Variants in RALGPS1 observed in about 807,000 individuals in gnomAD.
RALGPS1 encodes the protein ras-specific guanine nucleotide-releasing factor RalGPS1.
A neutral mutation model predicts 78.8 loss-of-function variants in RALGPS1; 19 were observed. The ratio of observed to expected loss-of-function variants is 0.24; its 90% CI spans 0.17 to 0.35. RALGPS1 has a LOEUF of 0.35. RALGPS1 is among the 10% of genes least tolerant of loss of function. The pLI is 1.00. For synonymous variants in RALGPS1, 228 were observed against 256.3 expected (o/e 0.89, Z 1.06); for missense variants, 454 against 688.3 (o/e 0.66, Z 3.81).
chr9:126,934,358 G>A (rs1378898003), intron 1 of RALGPS1, among the ~76,000 whole-genome samples: 1 of 152,206 alleles, frequency 6.6e-6, no homozygotes, highest in Non-Finnish European at 1.5e-5. Context: ...CTATTGATTA[G>A]GGGATTATGA....
chr9:127,055,897 G>A (rs2048701582), intron 7 of RALGPS1, among the ~76,000 whole-genome samples: 1 of 152,234 alleles, frequency 6.6e-6, no homozygotes, highest in South Asian at 2.1e-4. Flanking sequence ...TGTCTTGGGT[G>A]TGGCTGCTGC....
chr9:127,085,632 G>C (rs1441558677), intron 8 of RALGPS1, among the ~76,000 whole-genome samples: 1 of 152,166 alleles, frequency 6.6e-6, no homozygotes, highest in African/African-American at 2.4e-5. Flanking sequence ...GTATTGAGAT[G>C]GGGTTTGGGA....
chr9:126,936,436 C>G (rs1485891042), intron 1 of RALGPS1, among the ~76,000 whole-genome samples: 1 of 151,548 alleles, frequency 6.6e-6, no homozygotes, highest in Non-Finnish European at 1.5e-5. Flanking sequence ...TTTGGAAGGT[C>G]AAAGGAAAAA....
Position 126,992,548 on chromosome 9 carries a change from A to G in RALGPS1, c.216+14803A>G, listed in dbSNP as rs555927015. On this transcript the variant is annotated intron_variant, in intron 4 of 18. Transcript: ENST00000259351. ...TAGGATCAACTTGTTAAGTTTTACC[A>G]AAGAAGTCTGCTGGGATTTTGACTG... 2.0e-5 allele frequency among the ~76,000 whole-genome samples: 3 copies of G among 152,334 alleles called. No individual in the cohort carries two copies. In the East Asian group the frequency reaches 5.8e-4, roughly 29 times the overall value.
At chr9:126,998,653 C>G (rs1423429546) in intron 4 of RALGPS1, among the ~76,000 whole-genome samples, 1 of 152,144 alleles carries the variant, frequency 6.6e-6, no homozygotes, top group Non-Finnish European at 1.5e-5. Flanking sequence ...TTTGACCCAG[C>G]CATCCCATTA....
chr9:127,078,722 C>T (rs375179075), intron 8 of RALGPS1, among the ~76,000 whole-genome samples: 2 of 152,140 alleles, frequency 1.3e-5, no homozygotes, highest in African/African-American at 2.4e-5. Context: ...CCCTGCAAAA[C>T]GAGGTATGAG....
intron 5 of RALGPS1, among the ~76,000 whole-genome samples, 163 bp downstream of exon 5, chr9:127,034,677 T>G (rs1006588281): frequency 1.3e-5 from 2 of 152,152 alleles, no homozygotes; most frequent in Non-Finnish European, 2.9e-5. Context: ...GCCATTATAG[T>G]CCATTTTCAC....
chr9:127,212,576 T>G lies in RALGPS1; in HGVS notation c.1354-51T>G. 1.5e-6 allele frequency: 2 copies of G among 1,370,868 alleles called. No homozygotes were observed. The highest frequency in any genetic ancestry group is 2.0e-6 in the Non-Finnish European group (2 of 977,662). The allele number at this position is 1,370,868 out of a possible 1,614,324, so 84.9% of individuals were successfully genotyped here. A position where few individuals can be genotyped will look rare whatever the true frequency, so the allele number is the denominator to read the frequency against. Reference sequence around the variant, plus strand: ...TGGGTCTGTAATCGGCCAGGGATCCTCTACCCCCACGACCCCTGGTGGCAT... The same window carrying G: ...TGGGTCTGTAATCGGCCAGGGATCCGCTACCCCCACGACCCCTGGTGGCAT... On this transcript the variant is annotated intron_variant, in intron 15 of 18. Transcript: ENST00000259351. The surrounding 1 kb of genome is among the most constrained non-coding windows in gnomAD (Gnocchi z 6.0).
At chr9:127,041,182 C>T (rs568399307) in intron 5 of RALGPS1, among the ~76,000 whole-genome samples, 7 of 152,104 alleles carry the variant, frequency 4.6e-5, no homozygotes, top group Admixed American at 4.6e-4. Context: ...ACCTCCGCCT[C>T]CTGGATTTAA....
chr9:127,166,936 A>C (rs377436237), intron 9 of RALGPS1, among the ~76,000 whole-genome samples: 2 of 150,172 alleles, frequency 1.3e-5, no homozygotes, highest in African/African-American at 4.9e-5. Flanking sequence ...TGGGGTGTGG[A>C]GCTTGACTAT....
chr9:127,154,046 G>C (rs1210788902), intron 8 of RALGPS1, among the ~76,000 whole-genome samples: 2 of 152,192 alleles, frequency 1.3e-5, no homozygotes, highest in Non-Finnish European at 2.9e-5. Flanking sequence ...TGACGGCCCA[G>C]GCTCTCCCCT....
intron 8 of RALGPS1, among the ~76,000 whole-genome samples, chr9:127,148,371 T>A (rs978877854): frequency 1.3e-5 from 2 of 152,248 alleles, no homozygotes; most frequent in Non-Finnish European, 1.5e-5. Context: ...TTGGCCATTG[T>A]CAGGCCCATA....
At chr9:127,200,038 G>A (rs1269294085) in intron 14 of RALGPS1, among the ~76,000 whole-genome samples, 1 of 152,174 alleles carries the variant, frequency 6.6e-6, no homozygotes, top group Non-Finnish European at 1.5e-5. Flanking sequence ...ACATGTGCTT[G>A]TGTATACATT....
chr9:127,155,231 AT>A (rs2058647283), intron 8 of RALGPS1, among the ~76,000 whole-genome samples: 1 of 152,070 alleles, frequency 6.6e-6, no homozygotes, highest in East Asian at 1.9e-4. Context: ...GGGTCCATTC[AT>A]TTCCCTGGCC....
intron 8 of RALGPS1, among the ~76,000 whole-genome samples, chr9:127,150,767 C>T (rs956681735): frequency 4.6e-5 from 7 of 152,186 alleles, no homozygotes; most frequent in South Asian, 2.1e-4. Flanking sequence ...GGGATGCAAC[C>T]GTGAAAGCCA....
At chr9:127,114,581 A>G (rs2055199676) in intron 8 of RALGPS1, among the ~76,000 whole-genome samples, 1 of 152,220 alleles carries the variant, frequency 6.6e-6, no homozygotes. Flanking sequence ...TTGATTCATC[A>G]TCAGTCCAGG....
At chr9:127,112,438 G>A (rs1176641809) in intron 8 of RALGPS1, among the ~76,000 whole-genome samples, 1 of 152,248 alleles carries the variant, frequency 6.6e-6, no homozygotes, top group Non-Finnish European at 1.5e-5. Context: ...GCCCATGTGG[G>A]CGCAGGGCTC....
intron 1 of RALGPS1, among the ~76,000 whole-genome samples, chr9:126,949,272 T>G (rs1467312523): frequency 6.6e-6 from 1 of 152,224 alleles, no homozygotes; most frequent in Non-Finnish European, 1.5e-5. Flanking sequence ...GCAATAAACA[T>G]AGGTGTGCAT....
At chr9:127,088,986 T>G in intron 8 of RALGPS1, 2 of 1,614,148 alleles carry the variant, frequency 1.2e-6, no homozygotes, top group Non-Finnish European at 8.5e-7. Flanking sequence ...ACCACTTTCT[T>G]GAGTGAGTAA....
Sources: allele counts gnomAD v4.1 joint callset (sites outside exome capture counted in the v4.1 genomes callset), GRCh38; gene constraint gnomAD v4.1.1; non-coding constraint Gnocchi (gnomAD v3.1); transcripts MANE v1.5; gene names NCBI Gene and HGNC (gene_info 2026-07-23, HGNC 2026-07-21).